Variants in ZNRF3 observed in about 807,000 individuals in gnomAD.
The protein encoded by ZNRF3 is zinc and ring finger 3.
Under a neutral mutation model 72.5 loss-of-function variants are expected in ZNRF3, and 23 were observed. That is an observed-to-expected ratio of 0.32 (90% CI 0.23 to 0.45). ZNRF3 has a LOEUF of 0.45. Ranked by LOEUF, ZNRF3 falls within the 20% of genes least tolerant of loss-of-function variation. ZNRF3 has a pLI of 1.00. For synonymous variants in ZNRF3, 610 were observed against 545.3 expected, an observed-to-expected ratio of 1.12 and a Z score of -1.65; for missense variants, 1,169 against 1,272.1, an observed-to-expected ratio of 0.92 and a Z score of 1.23.
chr22:28,891,319 C>T (rs576543565), intron 1 of ZNRF3, among the ~76,000 whole-genome samples: 5 of 152,196 alleles, frequency 3.3e-5, no homozygotes, highest in Non-Finnish European at 7.3e-5. Flanking sequence ...TGACAGGGGA[C>T]ACCAGATGCA....
intron 1 of ZNRF3, among the ~76,000 whole-genome samples, chr22:28,929,257 A>G (rs2034663040): frequency 1.3e-5 from 2 of 152,216 alleles, no homozygotes; most frequent in Admixed American, 6.5e-5. Flanking sequence ...TGATGATATA[A>G]CAGTGTCTGT....
intron 1 of ZNRF3, among the ~76,000 whole-genome samples, chr22:28,934,749 T>C (rs1325166845): frequency 1.4e-5 from 2 of 143,572 alleles, no homozygotes; most frequent in East Asian, 2.0e-4. Flanking sequence ...ACCTGGGAGA[T>C]GGAGGCTGCA....
At chr22:28,959,583 ACT>A (rs1300352791) in intron 1 of ZNRF3, among the ~76,000 whole-genome samples, 2 of 152,180 alleles carry the variant, frequency 1.3e-5, no homozygotes, top group African/African-American at 4.8e-5. Context: ...ATTCCCAGTA[ACT>A]CTTGAGAATC....
At chr22:28,944,912 C>T (rs1438237219) in intron 1 of ZNRF3, among the ~76,000 whole-genome samples, 3 of 148,130 alleles carry the variant, frequency 2.0e-5, no homozygotes, top group Admixed American at 6.8e-5. Context: ...GGCAACAGAG[C>T]GAGACTCCGT....
chr22:28,893,994 C>T (rs979892938), intron 1 of ZNRF3, among the ~76,000 whole-genome samples: 1 of 152,144 alleles, frequency 6.6e-6, no homozygotes, highest in African/African-American at 2.4e-5. Flanking sequence ...CTCTGTTGCC[C>T]AGGCTGGAGT....
intron 4 of ZNRF3, 102 bp from the exon 5 acceptor site, chr22:29,044,678 C>T (rs942196950): frequency 5.0e-6 from 4 of 794,462 alleles, no homozygotes; most frequent in South Asian, 1.5e-5. Context: ...GGAAACTCAT[C>T]CCGGTCACCC....
intron 2 of ZNRF3, chr22:29,017,955 A>G: frequency 1.9e-6 from 1 of 518,896 alleles, no homozygotes; most frequent in Non-Finnish European, 3.8e-6. Context: ...GGTCCAGGAC[A>G]GCAGTTGAGG....
intron 1 of ZNRF3, among the ~76,000 whole-genome samples, chr22:28,951,254 C>T (rs1329997991): frequency 6.6e-6 from 1 of 152,182 alleles, no homozygotes; most frequent in African/African-American, 2.4e-5. Context: ...TATGTTGAAA[C>T]CCTAACTCCC....
At position 29,044,800 on chromosome 22, in the gene ZNRF3, C is replaced by T; in HGVS notation, c.654C>T (p.Asp218=). ...TCCAGCAACCCACTGAATACTTTGACATGGGGATTTTCCTGGCTTTCTTCG... is the reference window on the plus strand; with the variant it reads ...TCCAGCAACCCACTGAATACTTTGATATGGGGATTTTCCTGGCTTTCTTCG... The part of the protein sequence containing the change: ...RPPRQPTEYF[D]MGIFLAFFVV... The change falls in exon 5 of 9, where the codon GAC becomes GAT. Residue 218 remains aspartate, a synonymous_variant. Transcript: ENST00000544604. 2 of 1,614,076 alleles carry T rather than the reference C, an allele frequency of 1.2e-6. No homozygotes were observed. Among genetic ancestry groups the T allele is most frequent in the Non-Finnish European group, 1.7e-6 (2 of 1,179,924 alleles).
chr22:28,902,791 C>T (rs2034132794), intron 1 of ZNRF3, among the ~76,000 whole-genome samples: 1 of 152,176 alleles, frequency 6.6e-6, no homozygotes, highest in Admixed American at 6.5e-5. Context: ...TTACTCACAG[C>T]ATGCAATTTA....
intron 1 of ZNRF3, among the ~76,000 whole-genome samples, chr22:28,937,205 ATATATATATATTTTTT>A (rs1301165350): frequency 7.4e-4 from 3 of 4,058 alleles, no homozygotes; most frequent in African/African-American, 1.3e-3. Context: ...ATATATATAT[ATATATATATATTTTTT>A]TTTTTTTTTT....
Position 29,048,331 on chromosome 22 carries a change from C to CA in ZNRF3, c.913-57dup. ...ACTCCTTGGTCTATGCTGGACTCTGCAGGAGGACACACCTGCGAGGCTGAA... is the reference window on the plus strand; with the variant it reads ...ACTCCTTGGTCTATGCTGGACTCTGCAAGGAGGACACACCTGCGAGGCTGAA... On this transcript the variant is annotated intron_variant, in intron 6 of 8. Transcript: ENST00000544604. The surrounding 1 kb of genome is among the most constrained non-coding windows in gnomAD (Gnocchi z 4.9). 1 of 1,472,468 alleles carries CA rather than the reference C, an allele frequency of 6.8e-7. No individual in the cohort carries two copies. Among genetic ancestry groups the CA allele is most frequent in the Non-Finnish European group, 9.5e-7 (1 of 1,056,078 alleles). 91.2% of individuals were successfully genotyped at this position (1,472,468 alleles called of 1,614,324 possible). A position where few individuals can be genotyped will look rare whatever the true frequency, so the allele number is the denominator to read the frequency against.
At chr22:28,953,234 A>T (rs557150645) in intron 1 of ZNRF3, among the ~76,000 whole-genome samples, 1 of 152,320 alleles carries the variant, frequency 6.6e-6, no homozygotes, top group East Asian at 1.9e-4. Flanking sequence ...GTGCATTAAT[A>T]TGGAATTACT....
chr22:29,014,369 C>T (rs1185858420), intron 2 of ZNRF3, among the ~76,000 whole-genome samples: 1 of 152,154 alleles, frequency 6.6e-6, no homozygotes, highest in African/African-American at 2.4e-5. Flanking sequence ...TGGCAGCAGT[C>T]CCCCGGCCTG....
chr22:28,971,633 T>C (rs565557672), intron 1 of ZNRF3, among the ~76,000 whole-genome samples: 2 of 152,348 alleles, frequency 1.3e-5, no homozygotes, highest in Non-Finnish European at 2.9e-5. Flanking sequence ...ATTTTACAGA[T>C]GAGGAAACAA....
intron 2 of ZNRF3, among the ~76,000 whole-genome samples, chr22:29,022,511 C>T (rs1003164552): frequency 6.6e-6 from 1 of 152,148 alleles, no homozygotes; most frequent in Non-Finnish European, 1.5e-5. Flanking sequence ...AGTGTGAGAA[C>T]AGGGTTAGGT....
intron 2 of ZNRF3, among the ~76,000 whole-genome samples, chr22:29,012,943 T>G (rs2036370451): frequency 6.6e-6 from 1 of 152,216 alleles, no homozygotes; most frequent in Non-Finnish European, 1.5e-5. Context: ...CCGTCCCAGG[T>G]TAGCTCCAGA....
At chr22:28,885,525 C>T (rs968616175) in intron 1 of ZNRF3, among the ~76,000 whole-genome samples, 2 of 137,658 alleles carry the variant, frequency 1.5e-5, no homozygotes, top group East Asian at 4.4e-4. Flanking sequence ...TTGGCAACTT[C>T]TTGTCTTTCT....
intron 2 of ZNRF3, among the ~76,000 whole-genome samples, chr22:29,002,164 T>G (rs2036159525): frequency 6.6e-6 from 1 of 152,182 alleles, no homozygotes; most frequent in African/African-American, 2.4e-5. Flanking sequence ...TTCCTTCAAT[T>G]TCAGCTCAAT....
Sources: gnomAD v4.1 joint callset for allele counts (sites outside exome capture counted in the v4.1 genomes callset) on GRCh38, gnomAD v4.1.1 for gene constraint, Gnocchi (gnomAD v3.1) non-coding constraint, MANE v1.5 for transcripts, NCBI Gene and HGNC (gene_info 2026-07-23, HGNC 2026-07-21) for gene names.